Variants in PTGER3 observed in about 807,000 individuals in gnomAD.
PTGER3 encodes the protein prostaglandin E receptor 3.
Under a neutral mutation model 34.7 loss-of-function variants are expected in PTGER3, and 22 were observed. That is an observed-to-expected ratio of 0.63 (90% CI 0.45 to 0.91). The LOEUF (loss-of-function observed/expected upper bound fraction) is 0.91. Ranked by LOEUF, PTGER3 falls within the 40% of genes least tolerant of loss-of-function variation. The pLI, the probability that PTGER3 is intolerant of heterozygous loss-of-function variation, is 0.00. For synonymous variants in PTGER3, 241 were observed against 230.1 expected (o/e 1.05, Z -0.43); for missense variants, 468 against 519.4 (o/e 0.90, Z 0.96).
At chr1:71,015,295 T>C (rs949633540) in intron 1 of PTGER3, among the ~76,000 whole-genome samples, 1 of 152,040 alleles carries the variant, frequency 6.6e-6, no homozygotes, top group Non-Finnish European at 1.5e-5. Context: ...CCTCAAAAAC[T>C]TGGACGTATG....
intron 2 of PTGER3, among the ~76,000 whole-genome samples, chr1:70,974,979 C>T (rs1241126128): frequency 2.6e-5 from 4 of 152,154 alleles, no homozygotes; most frequent in Non-Finnish European, 5.9e-5. Flanking sequence ...CTAACTTCTA[C>T]TCATCTGATA....
rs774610328 is a variant in PTGER3, at chr1:70,996,639, T to TTTTTTTTA, written c.1077+15665_1077+15666insTAAAAAAA. ...CCATGCCCGGCTAATTTTTTTGTATTTTTATTTATTTATTTATTTATTTAT... is the reference window on the plus strand; with the variant it reads ...CCATGCCCGGCTAATTTTTTTGTATTTTTTTTTATTTATTTATTTATTTATTTATTTAT... On this transcript the variant is annotated intron_variant, in intron 2 of 3. Coordinates refer to ENST00000306666, the MANE Select transcript of PTGER3 (RefSeq NM_198719.2). Among the ~76,000 whole-genome samples the TTTTTTTTA allele has an allele frequency of 1.4e-3, 170 of 122,744 alleles. 2 individuals are homozygous for TTTTTTTTA. The highest frequency in any genetic ancestry group is 4.5e-3 in the African/African-American group (149 of 33,362). The allele number at this position is 122,744 out of a possible 152,430, so 80.5% of individuals were successfully genotyped here. A position where few individuals can be genotyped will look rare whatever the true frequency, so the allele number is the denominator to read the frequency against.
intron 1 of PTGER3, among the ~76,000 whole-genome samples, chr1:71,042,461 T>C (rs1326548754): frequency 6.6e-6 from 1 of 152,130 alleles, no homozygotes; most frequent in African/African-American, 2.4e-5. Context: ...GTGGAAATTC[T>C]GCTTTTCTGA....
At chr1:70,945,929 G>T (rs887929969) in intron 4 of PTGER3, among the ~76,000 whole-genome samples, 7 of 152,088 alleles carry the variant, frequency 4.6e-5, no homozygotes, top group African/African-American at 1.4e-4. Flanking sequence ...GATGGAGGTG[G>T]ATTTGGTATT....
intron 3 of PTGER3, among the ~76,000 whole-genome samples, chr1:70,953,421 G>A (rs1236903797): frequency 2.0e-5 from 3 of 152,106 alleles, no homozygotes; most frequent in African/African-American, 7.2e-5. Context: ...TCCCTTCTGT[G>A]TGCAGTGGAG....
intron 2 of PTGER3, among the ~76,000 whole-genome samples, chr1:70,978,466 A>G (rs516647): frequency 0.62 from 93,465 of 151,946 alleles, 28,972 homozygotes; most frequent in Middle Eastern, 0.65. Context: ...TAATAAGGTA[A>G]TAGGAGCAGC....
chr1:71,007,374 G>A, intron 2 of PTGER3: 2 of 985,816 alleles, frequency 2.0e-6, no homozygotes, highest in Non-Finnish European at 2.4e-6. Flanking sequence ...TCTCTTTCAA[G>A]GAAGAGTTGG....
chr1:70,885,821 G>A (rs1301740625), intron 4 of PTGER3, among the ~76,000 whole-genome samples: 2 of 152,270 alleles, frequency 1.3e-5, no homozygotes, highest in Middle Eastern at 3.4e-3. Flanking sequence ...CAAACCAAAT[G>A]GAGAGAGGAA....
chr1:70,987,606 T>C (rs1454349229), intron 2 of PTGER3, among the ~76,000 whole-genome samples: 2 of 152,206 alleles, frequency 1.3e-5, no homozygotes, highest in African/African-American at 4.8e-5. Context: ...GAGGATTTCC[T>C]AGTCCCTGAA....
chr1:71,015,441 G>A (rs1657810309), intron 1 of PTGER3, among the ~76,000 whole-genome samples: 1 of 152,160 alleles, frequency 6.6e-6, no homozygotes, highest in South Asian at 2.1e-4. Context: ...TTTGCTTTGG[G>A]AAAAAGGATA....
chr1:70,923,695 A>C (rs1647776182), intron 4 of PTGER3, among the ~76,000 whole-genome samples: 1 of 152,170 alleles, frequency 6.6e-6, no homozygotes, highest in South Asian at 2.1e-4. Context: ...AGTTAGGAAA[A>C]CTTTTCCTTT....
chr1:71,020,744 G>T (rs1658341015), intron 1 of PTGER3, among the ~76,000 whole-genome samples: 1 of 150,692 alleles, frequency 6.6e-6, no homozygotes, highest in Admixed American at 6.6e-5. Flanking sequence ...AGTGGGGTGG[G>T]GGTATTTTTA....
At chr1:71,023,926 C>T (rs1658653905) in intron 1 of PTGER3, among the ~76,000 whole-genome samples, 1 of 151,862 alleles carries the variant, frequency 6.6e-6, no homozygotes, top group Admixed American at 6.6e-5. Flanking sequence ...TCATCAATGA[C>T]ATGATTTGTT....
chr1:70,940,897 T>C (rs1649696179), intron 4 of PTGER3, among the ~76,000 whole-genome samples: 2 of 152,190 alleles, frequency 1.3e-5, no homozygotes, highest in South Asian at 2.1e-4. Context: ...TTCTAACTCA[T>C]GGTCACATGA....
chr1:70,998,271 G>A (rs1468874093), intron 2 of PTGER3: 1 of 152,144 alleles, frequency 6.6e-6, no homozygotes, highest in Non-Finnish European at 1.5e-5. Flanking sequence ...TTTTTCTTTG[G>A]TCCTCGTGCT....
intron 4 of PTGER3, among the ~76,000 whole-genome samples, chr1:70,892,979 T>G (rs1646651151): frequency 6.6e-6 from 1 of 152,194 alleles, no homozygotes; most frequent in African/African-American, 2.4e-5. Flanking sequence ...CTATGTGCTT[T>G]CTGTGAGTAG....
chr1:70,972,667 AG>A, intron 3 of PTGER3, among the ~76,000 whole-genome samples: 1 of 152,258 alleles, frequency 6.6e-6, no homozygotes, highest in African/African-American at 2.4e-5. Flanking sequence ...TGTATTATTT[AG>A]ATAACCTATT....
chr1:70,954,310 C>G (rs965705206), intron 2 of PTGER3, among the ~76,000 whole-genome samples: 2 of 152,082 alleles, frequency 1.3e-5, no homozygotes, highest in African/African-American at 4.8e-5. Context: ...CTAGGAAGGT[C>G]TATTGGACCA....
intron 2 of PTGER3, chr1:71,006,454 T>G (rs753412853): frequency 3.0e-5 from 30 of 985,260 alleles, no homozygotes; most frequent in Non-Finnish European, 3.6e-5. Flanking sequence ...CAGGCACAAG[T>G]CAATTAAAGG....
Sources: allele counts gnomAD v4.1 joint callset (sites outside exome capture counted in the v4.1 genomes callset), GRCh38; gene constraint gnomAD v4.1.1; transcripts MANE v1.5; gene names NCBI Gene and HGNC (gene_info 2026-07-23, HGNC 2026-07-21).